Variants in SCN11A observed in about 807,000 individuals in gnomAD.
The protein encoded by SCN11A is sodium voltage-gated channel alpha subunit 11, also known as sodium channel protein type 11 subunit alpha.
SCN11A carries 122 observed loss-of-function variants against 162.2 expected under a neutral mutation model. That is an observed-to-expected ratio of 0.75 (90% CI 0.65 to 0.87). The LOEUF is 0.87. Among genes scored for constraint, SCN11A ranks in the 40% least tolerant of loss-of-function variants. The probability of loss-of-function intolerance (pLI) is 0.00; values close to 1 mark genes in which losing one functional copy is unlikely to be tolerated. For missense variants in SCN11A, 2,015 were observed against 2,181.6 expected (o/e 0.92, Z 1.52); for synonymous variants, 758 against 751.5 (o/e 1.01, Z -0.14).
chr3:38,983,379 G>A (rs2030127487), intron 2 of SCN11A, among the ~76,000 whole-genome samples: 1 of 152,202 alleles, frequency 6.6e-6, no homozygotes, highest in Non-Finnish European at 1.5e-5. Context: ...TGGGAGCTGA[G>A]GAAGGGTGCT....
intron 2 of SCN11A, among the ~76,000 whole-genome samples, chr3:39,024,757 A>G (rs1427809953): frequency 6.6e-6 from 1 of 152,228 alleles, no homozygotes; most frequent in Non-Finnish European, 1.5e-5. Context: ...GCATGCTCAG[A>G]GAGGGCCAGA....
At chr3:38,943,804 G>C (rs1022526890) in intron 7 of SCN11A, among the ~76,000 whole-genome samples, 1 of 152,180 alleles carries the variant, frequency 6.6e-6, no homozygotes, top group Non-Finnish European at 1.5e-5. Flanking sequence ...GGTTACCAGA[G>C]ATGGGGAAAG....
intron 7 of SCN11A, among the ~76,000 whole-genome samples, chr3:38,933,083 C>A (rs1343722693): frequency 6.6e-6 from 1 of 152,218 alleles, no homozygotes; most frequent in African/African-American, 2.4e-5. Flanking sequence ...CGCTGTTCTG[C>A]AGCCACCGCT....
Position 38,950,069 on chromosome 3 carries a change from A to AAC in SCN11A, c.267+26_267+27insGT. 2.3e-4 allele frequency: 15 copies of AAC among 65,030 alleles called. 2 individuals are homozygous for AAC. The highest frequency in any genetic ancestry group is 1.2e-3 in the South Asian group (5 of 4,032). The allele number at this position is 65,030 out of a possible 1,614,324, so 4.0% of individuals were successfully genotyped here. ...GCATGGTTAGAACACCCCCACCCCCACCCCCCCCCCCCGCCCAATGAAGTA... is the reference window on the plus strand; with the variant it reads ...GCATGGTTAGAACACCCCCACCCCCAACCCCCCCCCCCCCGCCCAATGAAGTA... On this transcript the variant is annotated intron_variant, in intron 5 of 29. Transcript: ENST00000302328.
chr3:39,029,093 T>A (rs2031679511), intron 2 of SCN11A, among the ~76,000 whole-genome samples: 1 of 152,172 alleles, frequency 6.6e-6, no homozygotes, highest in South Asian at 2.1e-4. Context: ...TTAATAAATA[T>A]CCCTTTACCT....
At chr3:38,970,002 G>A (rs1212277733) in intron 2 of SCN11A, among the ~76,000 whole-genome samples, 1 of 124,414 alleles carries the variant, frequency 8.0e-6, no homozygotes, top group East Asian at 2.5e-4. Flanking sequence ...GCAGATGTTA[G>A]CTGCCTGTTT....
Position 38,880,115 on chromosome 3 carries a change from T to C in SCN11A, c.3228A>G (p.Glu1076=). Residue 1076 remains glutamate, a synonymous_variant, in exon 23 of 30, where the codon GAA becomes GAG. Transcript: ENST00000302328. The part of the protein sequence containing the change: ...ILLSSGALIF[E]DVHLENQPKI... ...TGGGTTGGTTCTCAAGGTGAACATCTTCAAATATCTGAAATGAAAAAGCAT... is the reference window on the plus strand; with the variant it reads ...TGGGTTGGTTCTCAAGGTGAACATCCTCAAATATCTGAAATGAAAAAGCAT... 1.9e-6 allele frequency: 3 copies of C among 1,605,686 alleles called. No individual in the cohort carries two copies. Among genetic ancestry groups the C allele is most frequent in the Non-Finnish European group, 2.6e-6 (3 of 1,175,398 alleles).
At position 39,034,932 on chromosome 3, in the gene SCN11A, T is replaced by C. The variant is rs112160442; in HGVS notation, c.-403-2429A>G. Among the ~76,000 whole-genome samples the C allele has an allele frequency of 3.1e-3, 466 of 152,148 alleles. 3 individuals carry two copies. The highest frequency in any genetic ancestry group is 0.011 in the African/African-American group (446 of 41,518). ...TATAATGAAAACTATAAAATGTTGATAAAGGAAATTGAAGCAGACACACAA... is the reference window on the plus strand; with the variant it reads ...TATAATGAAAACTATAAAATGTTGACAAAGGAAATTGAAGCAGACACACAA... On this transcript the variant is annotated intron_variant, in intron 1 of 29. Coordinates refer to ENST00000302328, the MANE Select transcript of SCN11A (RefSeq NM_001349253.2).
chr3:38,974,149 G>A (rs1002934104), intron 2 of SCN11A, among the ~76,000 whole-genome samples: 1 of 152,124 alleles, frequency 6.6e-6, no homozygotes, highest in Admixed American at 6.5e-5. Context: ...TGAAAAACAT[G>A]AGGGTACAAG....
chr3:38,993,980 C>T (rs2030532834), intron 2 of SCN11A, among the ~76,000 whole-genome samples: 1 of 152,216 alleles, frequency 6.6e-6, no homozygotes, highest in South Asian at 2.1e-4. Flanking sequence ...GGTCCCAGTG[C>T]GGTGCAGCCC....
At chr3:39,043,362 C>T (rs1575371791) in intron 1 of SCN11A, among the ~76,000 whole-genome samples, 1 of 152,112 alleles carries the variant, frequency 6.6e-6, no homozygotes, top group African/African-American at 2.4e-5. Context: ...GACATTTGCA[C>T]TCCCATGTTT....
intron 9 of SCN11A, among the ~76,000 whole-genome samples, chr3:38,924,222 T>TCAGTC (rs1256105408): frequency 2.8e-4 from 42 of 151,476 alleles, no homozygotes; most frequent in African/African-American, 8.7e-4. Context: ...AGACTCCCCT[T>TCAGTC]CAGTCCTTTT....
At chr3:38,930,055 G>GT (rs1465047222) in intron 7 of SCN11A, among the ~76,000 whole-genome samples, 1 of 151,842 alleles carries the variant, frequency 6.6e-6, no homozygotes. Context: ...AAAAAATCTC[G>GT]TATCTTTTGT....
intron 4 of SCN11A, among the ~76,000 whole-genome samples, chr3:38,953,059 TTG>T (rs1332788608): frequency 6.8e-6 from 1 of 146,746 alleles, no homozygotes; most frequent in African/African-American, 2.7e-5. Context: ...TTTTTTTTTG[TTG>T]TTGTTGTTGT....
At chr3:39,014,238 G>C (rs1406635280) in intron 2 of SCN11A, among the ~76,000 whole-genome samples, 1 of 152,082 alleles carries the variant, frequency 6.6e-6, no homozygotes, top group Non-Finnish European at 1.5e-5. Context: ...TTCCAGACAT[G>C]GTCTTCTCAG....
intron 5 of SCN11A, 34 bp downstream of exon 5, chr3:38,950,062 C>CG: frequency 1.4e-5 from 1 of 72,508 alleles, no homozygotes; most frequent in Non-Finnish European, 2.5e-5. Context: ...AGAACACCCC[C>CG]ACCCCCACCC....
rs566907665 is a variant in SCN11A at position 38,984,841 on chromosome 3, C to G, written c.-279-24418G>C. Among the ~76,000 whole-genome samples the G allele has an allele frequency of 2.6e-5, 4 of 152,118 alleles. No homozygotes were observed. In the East Asian group the frequency reaches 5.8e-4, roughly 22 times the overall value. ...TCGTGTTGAGCTTTCAATGAAGGCACGCGAAAGTCTGGGGGAGGGAACATT... is the reference window on the plus strand; with the variant it reads ...TCGTGTTGAGCTTTCAATGAAGGCAGGCGAAAGTCTGGGGGAGGGAACATT... On this transcript the variant is annotated intron_variant, in intron 2 of 29. Transcript: ENST00000302328.
intron 2 of SCN11A, among the ~76,000 whole-genome samples, chr3:38,969,004 T>C (rs934791154): frequency 1.3e-5 from 2 of 152,184 alleles, no homozygotes; most frequent in Non-Finnish European, 2.9e-5. Context: ...CTCCAATTCT[T>C]TATGCCCGTC....
chr3:39,007,969 A>G (rs2031023151), intron 2 of SCN11A, among the ~76,000 whole-genome samples: 1 of 152,216 alleles, frequency 6.6e-6, no homozygotes, highest in African/African-American at 2.4e-5. Context: ...CGGGGTCTGC[A>G]TTAACTCTGG....
Sources: allele counts gnomAD v4.1 joint callset (sites outside exome capture counted in the v4.1 genomes callset), GRCh38; gene constraint gnomAD v4.1.1; transcripts MANE v1.5; gene names NCBI Gene and HGNC (gene_info 2026-07-23, HGNC 2026-07-21).